The following GLIS1 variants were observed in gnomAD, a reference collection of about 807,000 sequenced individuals.
GLIS1 encodes GLIS family zinc finger 1.
A neutral mutation model predicts 63.8 loss-of-function variants in GLIS1; 24 were observed. That is an observed-to-expected ratio of 0.38 (90% CI 0.27 to 0.53). The LOEUF is 0.53. Among genes scored for constraint, GLIS1 ranks in the 20% least tolerant of loss-of-function variants. The probability of loss-of-function intolerance (pLI) is 0.85; values close to 1 mark genes in which losing one functional copy is unlikely to be tolerated. For missense variants in GLIS1, 1,036 were observed against 1,074.1 expected (o/e 0.96, Z 0.50); for synonymous variants, 450 against 482.5 (o/e 0.93, Z 0.88).
chr1:53,643,049 C>T (rs917523955), intron 2 of GLIS1, among the ~76,000 whole-genome samples: 2 of 152,190 alleles, frequency 1.3e-5, no homozygotes, highest in Admixed American at 6.5e-5. Flanking sequence ...GGTCTGAGTC[C>T]TCTGAGTCCC....
chr1:53,509,495 AG>A (rs781090889), intron 9 of GLIS1, among the ~76,000 whole-genome samples: 1 of 152,002 alleles, frequency 6.6e-6, no homozygotes, highest in South Asian at 2.1e-4. Context: ...AGGGCAGGCG[AG>A]GGGTGGCTGA....
At chr1:53,508,154 G>A (rs1483794796) in intron 10 of GLIS1, among the ~76,000 whole-genome samples, 1 of 86,118 alleles carries the variant, frequency 1.2e-5, no homozygotes, top group Non-Finnish European at 2.3e-5. Context: ...ATACACCTGG[G>A]GTAATACATG....
chr1:53,681,648 A>G (rs1460092744), intron 2 of GLIS1, among the ~76,000 whole-genome samples: 2 of 152,154 alleles, frequency 1.3e-5, no homozygotes, highest in African/African-American at 4.8e-5. Context: ...ATTTCTTTTC[A>G]AGGACTACTA....
intron 2 of GLIS1, among the ~76,000 whole-genome samples, chr1:53,690,590 G>T (rs1441733346): frequency 6.6e-6 from 1 of 152,200 alleles, no homozygotes; most frequent in African/African-American, 2.4e-5. Context: ...GCGCTGTCCA[G>T]TGCTGTTCAG....
chr1:53,624,411 CTT>C lies in GLIS1; in HGVS notation c.260-24135_260-24134del, dbSNP rs536833233. Among the ~76,000 whole-genome samples, 17 of 152,302 alleles carry C rather than the reference CTT, an allele frequency of 1.1e-4. No homozygotes were observed. The East Asian group carries it at 2.9e-3, about 26-fold the overall frequency. ...ATTTATAATGCATCATCAACCTAAA[CTT>C]AGAACTAAAACCATAAAACTTCCAG... On this transcript the variant is annotated intron_variant, in intron 2 of 10. Transcript: ENST00000628545.
At chr1:53,601,387 G>T (rs1645316397) in intron 2 of GLIS1, among the ~76,000 whole-genome samples, 2 of 152,204 alleles carry the variant, frequency 1.3e-5, no homozygotes, top group Admixed American at 1.3e-4. Context: ...GTGCCTTGCA[G>T]ATACAATAAA....
chr1:53,589,570 G>A (rs1373619880), intron 4 of GLIS1, among the ~76,000 whole-genome samples: 1 of 152,192 alleles, frequency 6.6e-6, no homozygotes, highest in Non-Finnish European at 1.5e-5. Context: ...AGGCCAATCC[G>A]TAATACTCAG....
intron 2 of GLIS1, among the ~76,000 whole-genome samples, chr1:53,644,434 G>A (rs1645820464): frequency 6.6e-6 from 1 of 152,238 alleles, no homozygotes; most frequent in South Asian, 2.1e-4. Flanking sequence ...GGAGAAGACA[G>A]TGAACAAAAC....
At chr1:53,523,481 G>A (rs1055184335) in intron 6 of GLIS1, among the ~76,000 whole-genome samples, 2 of 152,186 alleles carry the variant, frequency 1.3e-5, no homozygotes, top group Admixed American at 1.3e-4. Context: ...ACAGAACAAT[G>A]CTTGGAATAC....
intron 2 of GLIS1, among the ~76,000 whole-genome samples, chr1:53,609,790 G>T (rs1271818549): frequency 6.6e-6 from 1 of 152,160 alleles, no homozygotes; most frequent in Non-Finnish European, 1.5e-5. Context: ...ATCATAGAAT[G>T]TACTTACACA....
chr1:53,676,005 T>G (rs1268686970), intron 2 of GLIS1, among the ~76,000 whole-genome samples: 1 of 152,108 alleles, frequency 6.6e-6, no homozygotes, highest in Non-Finnish European at 1.5e-5. Flanking sequence ...AAAGGCACAG[T>G]TAAGATGTGA....
chr1:53,529,264 G>A (rs527461461), intron 5 of GLIS1, among the ~76,000 whole-genome samples: 3 of 152,326 alleles, frequency 2.0e-5, no homozygotes, highest in African/African-American at 7.2e-5. Context: ...GGAGCCTGGA[G>A]TCTTAGGCAC....
At chr1:53,738,676 C>T (rs1646937361) in intron 1 of GLIS1, among the ~76,000 whole-genome samples, 1 of 152,192 alleles carries the variant, frequency 6.6e-6, no homozygotes, top group Non-Finnish European at 1.5e-5. Context: ...CCAAGCTGGG[C>T]GCTGAATCCT....
intron 8 of GLIS1, among the ~76,000 whole-genome samples, chr1:53,513,170 C>T (rs1644315601): frequency 1.3e-5 from 2 of 152,130 alleles, no homozygotes; most frequent in South Asian, 2.1e-4. Flanking sequence ...AGGCCTCCTC[C>T]TCTCCCTGCC....
chr1:53,655,425 A>G (rs1416068930), intron 2 of GLIS1, among the ~76,000 whole-genome samples: 1 of 152,222 alleles, frequency 6.6e-6, no homozygotes. Flanking sequence ...TGCTAGTTAT[A>G]TGGCCTTGGG....
At chr1:53,641,680 G>A (rs1645788774) in intron 2 of GLIS1, among the ~76,000 whole-genome samples, 1 of 152,118 alleles carries the variant, frequency 6.6e-6, no homozygotes, top group African/African-American at 2.4e-5. Context: ...AGGACAAGTA[G>A]GTGAGTGGTA....
chr1:53,735,683 T>C (rs1035568477), intron 2 of GLIS1, among the ~76,000 whole-genome samples: 3 of 152,158 alleles, frequency 2.0e-5, no homozygotes, highest in African/African-American at 7.2e-5. Flanking sequence ...TTTCAATTGG[T>C]ATTTCTGTCT....
At chr1:53,633,005 G>GGC (rs1645680165) in intron 2 of GLIS1, among the ~76,000 whole-genome samples, 4 of 145,142 alleles carry the variant, frequency 2.8e-5, no homozygotes, top group Admixed American at 6.8e-5. Flanking sequence ...GTGACTGAGG[G>GGC]GTGTGAATGA....
chr1:53,701,204 A>C (rs928731155), intron 2 of GLIS1, among the ~76,000 whole-genome samples: 1 of 152,142 alleles, frequency 6.6e-6, no homozygotes, highest in Non-Finnish European at 1.5e-5. Context: ...CTACCAGACT[A>C]TTTTCCCCAG....
Sources: gnomAD v4.1 joint callset for allele counts (sites outside exome capture counted in the v4.1 genomes callset) on GRCh38, gnomAD v4.1.1 for gene constraint, MANE v1.5 for transcripts, NCBI Gene and HGNC (gene_info 2026-07-23, HGNC 2026-07-21) for gene names.